Variants in LRP1B observed in about 807,000 individuals in gnomAD.
LRP1B encodes LDL receptor related protein 1B.
Under a neutral mutation model 556.6 loss-of-function variants are expected in LRP1B, and 217 were observed. The observed-to-expected ratio is 0.39, with a 90% CI of 0.35 to 0.44. LRP1B has a LOEUF of 0.44. LRP1B is among the 20% of genes least tolerant of loss of function. The pLI is 1.00. For synonymous variants in LRP1B, 2,047 were observed against 1,865.8 expected (o/e 1.10, Z -2.50); for missense variants, 5,053 against 5,620.8 (o/e 0.90, Z 3.23).
intron 77 of LRP1B, among the ~76,000 whole-genome samples, chr2:140,336,503 T>A (rs974192223): frequency 1.3e-5 from 2 of 151,604 alleles, no homozygotes; most frequent in South Asian, 2.1e-4. Context: ...CTAGAAAAAA[T>A]TTTCAAAGAG....
chr2:141,399,783 A>G (rs924872770), intron 3 of LRP1B, among the ~76,000 whole-genome samples: 7 of 152,188 alleles, frequency 4.6e-5, no homozygotes, highest in African/African-American at 1.7e-4. Context: ...GGCGAGATAG[A>G]AATAGAAACC....
chr2:140,984,275 C>T (rs1457621579), intron 17 of LRP1B, among the ~76,000 whole-genome samples: 1 of 151,838 alleles, frequency 6.6e-6, no homozygotes, highest in Non-Finnish European at 1.5e-5. Context: ...CTTCCTTTCA[C>T]CCTAACTGGC....
At chr2:142,092,174 A>T (rs995487208) in intron 1 of LRP1B, among the ~76,000 whole-genome samples, 1 of 152,176 alleles carries the variant, frequency 6.6e-6, no homozygotes, top group African/African-American at 2.4e-5. Context: ...GGCATGGTGA[A>T]TAGGGGTTTC....
intron 1 of LRP1B, among the ~76,000 whole-genome samples, chr2:142,070,323 CA>C (rs1396206722): frequency 6.6e-6 from 1 of 151,740 alleles, no homozygotes. Context: ...CCATAACCCA[CA>C]AAGAGGCAGT....
chr2:141,529,395 A>C (rs2105188828), intron 2 of LRP1B, among the ~76,000 whole-genome samples: 1 of 152,328 alleles, frequency 6.6e-6, no homozygotes, highest in African/African-American at 2.4e-5. Flanking sequence ...GAAAGGAAAA[A>C]GATTAAGAAG....
intron 1 of LRP1B, among the ~76,000 whole-genome samples, chr2:141,811,996 G>A (rs1180072651): frequency 6.6e-6 from 1 of 152,122 alleles, no homozygotes; most frequent in Admixed American, 6.6e-5. Flanking sequence ...TTTCAGGTAA[G>A]ATTTAGAGTA....
intron 43 of LRP1B, among the ~76,000 whole-genome samples, chr2:140,573,883 C>G (rs947428940): frequency 1.3e-5 from 2 of 151,938 alleles, no homozygotes; most frequent in Admixed American, 6.6e-5. Flanking sequence ...CTATTTCACT[C>G]AAGGACAGAT....
At chr2:141,738,741 G>A (rs922779088) in intron 2 of LRP1B, among the ~76,000 whole-genome samples, 12 of 151,996 alleles carry the variant, frequency 7.9e-5, no homozygotes, top group Non-Finnish European at 1.0e-4. Flanking sequence ...AGTCTCTTTC[G>A]TATAAAACTG....
At chr2:141,681,687 T>TGCA (rs1691110681) in intron 2 of LRP1B, among the ~76,000 whole-genome samples, 2 of 152,266 alleles carry the variant, frequency 1.3e-5, no homozygotes, top group South Asian at 4.1e-4. Flanking sequence ...GGATATAAGA[T>TGCA]GCAGCCGAAA....
intron 17 of LRP1B, among the ~76,000 whole-genome samples, chr2:140,986,039 T>G (rs913217089): frequency 1.3e-5 from 2 of 151,686 alleles, no homozygotes; most frequent in African/African-American, 2.4e-5. Context: ...TATGAATTCA[T>G]AAACACTATA....
At position 141,961,475 on chromosome 2, in the gene LRP1B, CT is replaced by C. The variant is rs199744939; in HGVS notation, c.83-151075del. The stretch of plus-strand genomic sequence containing the variant: ...GTTTTTTAAAAAGGACAACCTGATC[CT>C]TGGTATCTCTTACACACCTTTGACG... On this transcript the variant is annotated intron_variant, in intron 1 of 90. Transcript: ENST00000389484. Among the ~76,000 whole-genome samples, 301 of 151,752 alleles carry C rather than the reference CT, an allele frequency of 2.0e-3. 5 individuals are homozygous for C. The East Asian group carries it at 0.046, about 23-fold the overall frequency.
At chr2:140,633,806 C>A (rs1181209644) in intron 41 of LRP1B, among the ~76,000 whole-genome samples, 1 of 152,042 alleles carries the variant, frequency 6.6e-6, no homozygotes, top group Non-Finnish European at 1.5e-5. Context: ...ATAGAATCAA[C>A]AATAATTTTC....
In LRP1B at chr2:141,587,060, C is replaced by T. The variant is rs568999015; in HGVS notation, c.206-106527G>A. Among the ~76,000 whole-genome samples the T allele has an allele frequency of 9.0e-4, 137 of 151,950 alleles. 2 individuals carry two copies. The highest frequency in any genetic ancestry group is 3.2e-3 in the African/African-American group (131 of 41,454). On this transcript the variant is annotated intron_variant, in intron 2 of 90. Transcript: ENST00000389484. ...AAAATGGCACGTAAACAAACTGACT[C>T]TGCAACATACACCTATAAAATGTTT...
At chr2:141,890,944 C>T (rs1699271698) in intron 1 of LRP1B, among the ~76,000 whole-genome samples, 2 of 152,100 alleles carry the variant, frequency 1.3e-5, no homozygotes, top group Admixed American at 1.3e-4. Context: ...TAACCTTGCA[C>T]CTATTCTTTC....
At chr2:141,733,460 G>A (rs1693355444) in intron 2 of LRP1B, among the ~76,000 whole-genome samples, 1 of 152,052 alleles carries the variant, frequency 6.6e-6, no homozygotes, top group African/African-American at 2.4e-5. Flanking sequence ...CTTCTTGTCT[G>A]TGGTCTTACA....
chr2:140,897,582 A>C (rs1693988817), intron 23 of LRP1B, among the ~76,000 whole-genome samples: 1 of 152,206 alleles, frequency 6.6e-6, no homozygotes, highest in African/African-American at 2.4e-5. Context: ...GGAGAGGCAG[A>C]CCAACCTTTA....
At chr2:140,323,736 G>C (rs1680292492) in intron 81 of LRP1B, among the ~76,000 whole-genome samples, 157 bp downstream of exon 81, 2 of 151,786 alleles carry the variant, frequency 1.3e-5, no homozygotes, top group South Asian at 4.2e-4. Flanking sequence ...TCTATAGTTT[G>C]GTAAGTTGAA....
intron 6 of LRP1B, among the ~76,000 whole-genome samples, chr2:141,200,222 C>T (rs1388384871): frequency 6.6e-6 from 1 of 151,960 alleles, no homozygotes; most frequent in Non-Finnish European, 1.5e-5. Context: ...AGTACATATA[C>T]ACCAAAGAAA....
At chr2:140,611,634 C>T (rs1335842360) in intron 41 of LRP1B, among the ~76,000 whole-genome samples, 2 of 151,902 alleles carry the variant, frequency 1.3e-5, no homozygotes, top group East Asian at 3.9e-4. Context: ...TGAATAGAAA[C>T]ATTTAATTTC....
Sources: allele counts gnomAD v4.1 joint callset (sites outside exome capture counted in the v4.1 genomes callset), GRCh38; gene constraint gnomAD v4.1.1; transcripts MANE v1.5; gene names NCBI Gene and HGNC (gene_info 2026-07-23, HGNC 2026-07-21).